Variants in FSTL4 observed in about 807,000 individuals in gnomAD.
FSTL4 encodes follistatin-related protein 4.
A neutral mutation model predicts 78.2 loss-of-function variants in FSTL4; 28 were observed. That is an observed-to-expected ratio of 0.36 (90% CI 0.27 to 0.49). The LOEUF (loss-of-function observed/expected upper bound fraction) is 0.49, where lower values mean the gene tolerates loss of function less well. FSTL4 is among the 20% of genes least tolerant of loss of function. The probability of loss-of-function intolerance (pLI) is 0.98; values close to 1 mark genes in which losing one functional copy is unlikely to be tolerated. For synonymous variants in FSTL4, 422 were observed against 440.5 expected (o/e 0.96, Z 0.53); for missense variants, 922 against 1,084.9 (o/e 0.85, Z 2.11).
In FSTL4 at chr5:133,239,388, G is replaced by A. The variant is rs1581558641; in HGVS notation, c.895-5851C>T. Among the ~76,000 whole-genome samples, 3 of 152,362 alleles carry A rather than the reference G, an allele frequency of 2.0e-5. No individual in the cohort carries two copies. In the East Asian group the frequency reaches 5.8e-4, roughly 29 times the overall value. ...GGCAGGCAGCTCCACCTGCAGACCT[G>A]GTGCAGGATCCACTGGGTGAAGCCA... On this transcript the variant is annotated intron_variant, in intron 7 of 15. Transcript: ENST00000265342.
At chr5:133,543,402 T>C (rs1189559953) in intron 3 of FSTL4, among the ~76,000 whole-genome samples, 1 of 152,226 alleles carries the variant, frequency 6.6e-6, no homozygotes, top group Middle Eastern at 3.2e-3. Flanking sequence ...TAGCTCCCAT[T>C]GTGATCATGA....
chr5:133,365,393 G>T lies in FSTL4; in HGVS notation c.409+35345C>A, dbSNP rs147323024. On this transcript the variant is annotated intron_variant, in intron 4 of 15. Coordinates refer to ENST00000265342, the MANE Select transcript of FSTL4 (RefSeq NM_015082.2). ...TAAAATGGTAACAATCTCCAGCCAA[G>T]TTGCTGAGCCAGGGGGACCACCCAG... is the stretch of plus-strand genomic sequence containing the variant. 1.9e-4 allele frequency among the ~76,000 whole-genome samples: 29 copies of T among 152,310 alleles called. 1 individual carries two copies. The East Asian group carries it at 5.6e-3, about 29-fold the overall frequency.
intron 4 of FSTL4, among the ~76,000 whole-genome samples, chr5:133,352,571 A>G (rs948147901): frequency 1.3e-5 from 2 of 152,082 alleles, no homozygotes; most frequent in Non-Finnish European, 2.9e-5. Context: ...CACCATGCAT[A>G]GCTAATTTTT....
intron 3 of FSTL4, among the ~76,000 whole-genome samples, chr5:133,421,379 C>G (rs1269308568): frequency 6.6e-6 from 1 of 152,246 alleles, no homozygotes; most frequent in Non-Finnish European, 1.5e-5. Context: ...CATTTGCCTT[C>G]TGCAGTGGGT....
intron 2 of FSTL4, among the ~76,000 whole-genome samples, chr5:133,573,100 C>T (rs772544263): frequency 6.6e-6 from 1 of 151,890 alleles, no homozygotes; most frequent in African/African-American, 2.4e-5. Context: ...AAAAATTAGA[C>T]AGGCATGGTG....
chr5:133,693,659 G>GGTA, the FSTL4 span, among the ~76,000 whole-genome samples: 1 of 152,182 alleles, frequency 6.6e-6, no homozygotes, highest in Admixed American at 6.5e-5. Flanking sequence ...ATTTTGTGCT[G>GGTA]CTCTAACAGA....
chr5:133,615,133 C>A (rs1377439433), upstream of FSTL4, among the ~76,000 whole-genome samples: 1 of 152,116 alleles, frequency 6.6e-6, no homozygotes, highest in Non-Finnish European at 1.5e-5. Context: ...CAGATCCAAC[C>A]AAAAGTATCT....
chr5:133,392,610 T>C (rs189363610), intron 4 of FSTL4, among the ~76,000 whole-genome samples: 1 of 151,954 alleles, frequency 6.6e-6, no homozygotes, highest in South Asian at 2.1e-4. Context: ...AGACAGCCAG[T>C]GCAGAAAATG....
At chr5:133,408,534 C>T (rs1047569718) in intron 3 of FSTL4, among the ~76,000 whole-genome samples, 40 of 129,256 alleles carry the variant, frequency 3.1e-4, no homozygotes, top group Admixed American at 5.6e-4. Context: ...GGGAGCTGAC[C>T]GAGCTGAGGA....
At chr5:133,783,799 A>G in the FSTL4 span, among the ~76,000 whole-genome samples, 10 of 152,134 alleles carry the variant, frequency 6.6e-5, no homozygotes, top group African/African-American at 2.4e-4. Context: ...CAAATCTAAA[A>G]GAAAATGAAT....
At chr5:133,345,944 T>C (rs1272774562) in intron 4 of FSTL4, among the ~76,000 whole-genome samples, 1 of 152,246 alleles carries the variant, frequency 6.6e-6, no homozygotes, top group East Asian at 1.9e-4. Context: ...CATGCACATG[T>C]ATGTTTATTG....
chr5:133,306,367 C>G (rs1753656771), intron 6 of FSTL4, among the ~76,000 whole-genome samples: 1 of 152,250 alleles, frequency 6.6e-6, no homozygotes, highest in East Asian at 1.9e-4. Flanking sequence ...AGCCTGCCAG[C>G]CGACCAGAGC....
intron 4 of FSTL4, among the ~76,000 whole-genome samples, chr5:133,377,061 G>T (rs13161739): frequency 0.094 from 14,363 of 152,070 alleles, 831 homozygotes; most frequent in South Asian, 0.13. Context: ...TCCAGTCAAG[G>T]TATATAATAT....
intron 4 of FSTL4, among the ~76,000 whole-genome samples, chr5:133,331,291 G>A (rs893550125): frequency 4.6e-5 from 7 of 152,178 alleles, no homozygotes; most frequent in African/African-American, 1.7e-4. Flanking sequence ...CACAGGCCTG[G>A]CAGCTCATGG....
chr5:133,623,035 T>C, the FSTL4 span, among the ~76,000 whole-genome samples: 1 of 152,088 alleles, frequency 6.6e-6, no homozygotes, highest in African/African-American at 2.4e-5. Context: ...CACAATTAAA[T>C]CTGTCTCCAT....
At chr5:133,528,880 C>T (rs557496245) in intron 3 of FSTL4, among the ~76,000 whole-genome samples, 4 of 152,198 alleles carry the variant, frequency 2.6e-5, no homozygotes, top group Non-Finnish European at 4.4e-5. Context: ...CAGAGCTGTT[C>T]GCTATCTCCA....
chr5:133,567,297 T>C (rs1249427874), intron 2 of FSTL4, 78 bp from the exon 3 acceptor site: 7 of 1,019,720 alleles, frequency 6.9e-6, no homozygotes, highest in Non-Finnish European at 1.1e-5. Context: ...TCCTCTCTTG[T>C]TAGTCACACA....
At chr5:133,340,358 A>AATC (rs1754554305) in intron 4 of FSTL4, among the ~76,000 whole-genome samples, 1 of 152,102 alleles carries the variant, frequency 6.6e-6, no homozygotes, top group Non-Finnish European at 1.5e-5. Context: ...TCTGGGGGTC[A>AATC]ATCTCTCTCC....
Position 133,568,601 on chromosome 5 carries a change from T to A in FSTL4, c.127-1382A>T, listed in dbSNP as rs539316544. Among the ~76,000 whole-genome samples the A allele has an allele frequency of 1.1e-3, 173 of 152,092 alleles. 1 individual carries two copies. Among genetic ancestry groups the A allele is most frequent in the Admixed American group, 0.011 (169 of 15,288 alleles). On this transcript the variant is annotated intron_variant, in intron 2 of 15. Coordinates refer to ENST00000265342, the MANE Select transcript of FSTL4 (RefSeq NM_015082.2). Reference sequence around the variant, plus strand: ...CAACAGCCCATCACACAAACCAAACTCTGGTTCCTGAAGGAGTACTCATCA... The same window carrying A: ...CAACAGCCCATCACACAAACCAAACACTGGTTCCTGAAGGAGTACTCATCA...
Sources: gnomAD v4.1 joint callset for allele counts (sites outside exome capture counted in the v4.1 genomes callset) on GRCh38, gnomAD v4.1.1 for gene constraint, MANE v1.5 for transcripts, NCBI Gene and HGNC (gene_info 2026-07-23, HGNC 2026-07-21) for gene names.